The following NKAIN2 variants were observed in gnomAD, a reference collection of about 807,000 sequenced individuals.
NKAIN2 encodes the protein sodium/potassium transporting ATPase interacting 2.
NKAIN2 carries 14 observed loss-of-function variants against 32.6 expected under a neutral mutation model. The observed-to-expected ratio is 0.43, with a 90% CI of 0.28 to 0.67. The LOEUF (loss-of-function observed/expected upper bound fraction) is 0.67. Among genes scored for constraint, NKAIN2 ranks in the 30% least tolerant of loss-of-function variants. The probability of loss-of-function intolerance (pLI) is 0.17; values close to 1 mark genes in which losing one functional copy is unlikely to be tolerated. For missense variants in NKAIN2, 198 were observed against 258.3 expected (o/e 0.77, Z 1.60); for synonymous variants, 80 against 87.2 (o/e 0.92, Z 0.46).
intron 4 of NKAIN2, among the ~76,000 whole-genome samples, chr6:124,696,302 A>G (rs544641848): frequency 6.6e-6 from 1 of 152,190 alleles, no homozygotes; most frequent in African/African-American, 2.4e-5. Context: ...GCTCAGAGAG[A>G]GAGTTTGCTT....
chr6:124,721,239 C>A (rs955700816), intron 4 of NKAIN2, among the ~76,000 whole-genome samples: 2 of 151,834 alleles, frequency 1.3e-5, no homozygotes, highest in Non-Finnish European at 2.9e-5. Flanking sequence ...CCCGTCTCTA[C>A]TAAAAATACA....
chr6:124,205,380 T>C (rs1036339786), intron 1 of NKAIN2, among the ~76,000 whole-genome samples: 1 of 151,670 alleles, frequency 6.6e-6, no homozygotes, highest in Non-Finnish European at 1.5e-5. Flanking sequence ...AATCTCTTAA[T>C]TTGTCATCTT....
At chr6:124,797,717 T>A (rs1780063811) in intron 5 of NKAIN2, among the ~76,000 whole-genome samples, 1 of 152,204 alleles carries the variant, frequency 6.6e-6, no homozygotes, top group Admixed American at 6.5e-5. Context: ...TTCCATTCTG[T>A]ATGTTTTTAT....
At chr6:124,483,003 T>G (rs1777514666) in intron 3 of NKAIN2, among the ~76,000 whole-genome samples, 1 of 151,970 alleles carries the variant, frequency 6.6e-6, no homozygotes, top group Non-Finnish European at 1.5e-5. Context: ...GCGCCTGTAG[T>G]CCCAGCTACT....
intron 3 of NKAIN2, among the ~76,000 whole-genome samples, chr6:124,460,916 A>AT (rs1008507455): frequency 1.3e-5 from 2 of 149,970 alleles, no homozygotes; most frequent in African/African-American, 4.9e-5. Flanking sequence ...CCCCCTTTTA[A>AT]TTTTCTGCAT....
At chr6:124,782,234 CT>C (rs1319189518) in intron 4 of NKAIN2, among the ~76,000 whole-genome samples, 1 of 151,988 alleles carries the variant, frequency 6.6e-6, no homozygotes, top group African/African-American at 2.4e-5. Context: ...TTAACTGTTT[CT>C]TTTTTAGTGC....
intron 4 of NKAIN2, among the ~76,000 whole-genome samples, chr6:124,692,260 A>G (rs113865084): frequency 6.6e-6 from 1 of 152,322 alleles, no homozygotes; most frequent in South Asian, 2.1e-4. Context: ...GAAGTAATAA[A>G]CAAAAATAAC....
At chr6:124,419,796 T>C (rs1028845454) in intron 3 of NKAIN2, among the ~76,000 whole-genome samples, 5 of 152,120 alleles carry the variant, frequency 3.3e-5, no homozygotes, top group African/African-American at 1.2e-4. Flanking sequence ...TAGAAGTCGC[T>C]CTTACTAAGG....
At chr6:124,731,652 A>G (rs1776681063) in intron 4 of NKAIN2, among the ~76,000 whole-genome samples, 1 of 151,452 alleles carries the variant, frequency 6.6e-6, no homozygotes, top group Non-Finnish European at 1.5e-5. Context: ...TGGCACATGT[A>G]TACATATGTA....
At chr6:124,802,538 T>C (rs1221357131) in intron 5 of NKAIN2, among the ~76,000 whole-genome samples, 1 of 152,216 alleles carries the variant, frequency 6.6e-6, no homozygotes, top group African/African-American at 2.4e-5. Flanking sequence ...CTTCTCTACA[T>C]TTACTGAAAG....
chr6:124,777,398 C>G (rs1265833710), intron 4 of NKAIN2, among the ~76,000 whole-genome samples: 1 of 152,122 alleles, frequency 6.6e-6, no homozygotes, highest in Non-Finnish European at 1.5e-5. Flanking sequence ...TACCTATTAG[C>G]AGGTGACTTT....
At chr6:123,955,650 G>T (rs1043608119) in intron 1 of NKAIN2, among the ~76,000 whole-genome samples, 49 of 115,528 alleles carry the variant, frequency 4.2e-4, no homozygotes, top group African/African-American at 1.9e-3. Flanking sequence ...TTGAGACAGG[G>T]TCTTGCTCAG....
intron 3 of NKAIN2, among the ~76,000 whole-genome samples, chr6:124,598,341 T>C (rs1291339569): frequency 6.6e-6 from 1 of 152,206 alleles, no homozygotes; most frequent in Non-Finnish European, 1.5e-5. Flanking sequence ...GTGTCAGCTC[T>C]ATATCACTTC....
chr6:124,219,756 T>G (rs2689881), intron 1 of NKAIN2, among the ~76,000 whole-genome samples: 88,057 of 151,936 alleles, frequency 0.58, 28,037 homozygotes, highest in South Asian at 0.72. Flanking sequence ...TCAAGTAGAA[T>G]AGATTTTGAT....
intron 3 of NKAIN2, among the ~76,000 whole-genome samples, chr6:124,487,337 G>A (rs963162773): frequency 6.6e-6 from 1 of 152,084 alleles, no homozygotes; most frequent in Non-Finnish European, 1.5e-5. Flanking sequence ...GCTTTTATCT[G>A]ATTATAGACA....
chr6:124,149,796 C>G (rs929845118), intron 1 of NKAIN2, among the ~76,000 whole-genome samples: 1 of 152,086 alleles, frequency 6.6e-6, no homozygotes, highest in Non-Finnish European at 1.5e-5. Flanking sequence ...AATGAGTACT[C>G]AGACACAGGT....
chr6:123,946,771 T>C (rs889926797), intron 1 of NKAIN2, among the ~76,000 whole-genome samples: 1 of 152,098 alleles, frequency 6.6e-6, no homozygotes, highest in Admixed American at 6.6e-5. Context: ...ATTTTGGAAA[T>C]TGTAAAAGTT....
rs1353368490 is a variant in NKAIN2 at position 124,687,411 on chromosome 6, AATAT to A, written c.474+29032_474+29035del. Among the ~76,000 whole-genome samples the A allele has an allele frequency of 1.9e-4, 22 of 114,024 alleles. 1 individual carries two copies. The highest frequency in any genetic ancestry group is 7.2e-4 in the African/African-American group (21 of 29,226). 74.8% of individuals were successfully genotyped at this position (114,024 alleles called of 152,430 possible). A position where few individuals can be genotyped will look rare whatever the true frequency, so the allele number is the denominator to read the frequency against. On this transcript the variant is annotated intron_variant, in intron 4 of 6. Transcript: ENST00000368417. ...ATATTCCATGTATGTGTATGTATGG[AATAT>A]ATATATTCCATGTATACCATATACA...
intron 4 of NKAIN2, among the ~76,000 whole-genome samples, chr6:124,729,690 T>C (rs1226144889): frequency 2.0e-5 from 3 of 150,496 alleles, no homozygotes; most frequent in African/African-American, 7.3e-5. Context: ...TTCAACATAG[T>C]GTTGGAAGTT....
Sources: allele counts gnomAD v4.1 joint callset (sites outside exome capture counted in the v4.1 genomes callset), GRCh38; gene constraint gnomAD v4.1.1; transcripts MANE v1.5; gene names NCBI Gene and HGNC (gene_info 2026-07-23, HGNC 2026-07-21).